The following TRIM62 variants were observed in gnomAD, a reference collection of about 807,000 sequenced individuals.
TRIM62 encodes the protein tripartite motif containing 62.
In TRIM62, 39 loss-of-function variants were observed where a neutral mutation model predicts 44.2. The ratio of observed to expected loss-of-function variants is 0.88; its 90% CI spans 0.68 to 1.15. TRIM62 has a LOEUF of 1.15. Among genes scored for constraint, TRIM62 ranks in the 50% most tolerant of loss-of-function variants. TRIM62 has a pLI of 0.00. For missense variants in TRIM62, 544 were observed against 665.5 expected, an observed-to-expected ratio of 0.82 and a Z score of 2.01; for synonymous variants, 278 against 292.3, an observed-to-expected ratio of 0.95 and a Z score of 0.50.
rs527792355 is a variant in TRIM62 at position 33,181,582 on chromosome 1, T to C, written c.-150A>G. The C allele has an allele frequency of 3.7e-6, 5 of 1,350,184 alleles. No individual in the cohort carries two copies. The African/African-American group carries it at 7.7e-5, about 21-fold the overall frequency. The allele number at this position is 1,350,184 out of a possible 1,614,324, so 83.6% of individuals were successfully genotyped here. A position where few individuals can be genotyped will look rare whatever the true frequency, so the allele number is the denominator to read the frequency against. On this transcript the variant is annotated 5_prime_UTR_variant, in exon 1 of 5. Coordinates refer to ENST00000291416, the MANE Select transcript of TRIM62 (RefSeq NM_018207.3). This position sits in a 1 kb window ranked among gnomAD's most constrained non-coding sequence, Gnocchi z 6.5. ...CTACCGGAGAAGGGAGGGGGTGCTG[T>C]CCGGAAGGAGGGTAACGCGAGGAAG... is the stretch of plus-strand genomic sequence containing the variant.
intron 1 of TRIM62, among the ~76,000 whole-genome samples, chr1:33,175,049 A>T (rs913654905): frequency 1.3e-5 from 2 of 150,816 alleles, no homozygotes; most frequent in African/African-American, 4.9e-5. Context: ...ATGTATATGT[A>T]TTTTTTTTAA....
rs898116486 is a variant in TRIM62 at position 33,181,831 on chromosome 1, G to C, written c.-399C>G. Among the ~76,000 whole-genome samples, 129 of 151,732 alleles carry C rather than the reference G, an allele frequency of 8.5e-4. No individual in the cohort carries two copies. Among genetic ancestry groups the C allele is most frequent in the Non-Finnish European group, 1.7e-3 (113 of 67,808 alleles). On this transcript the variant is annotated 5_prime_UTR_variant, in exon 1 of 5. Transcript: ENST00000291416. This position sits in a 1 kb window ranked among gnomAD's most constrained non-coding sequence, Gnocchi z 6.5. The stretch of plus-strand genomic sequence containing the variant: ...TAAGGGGGTCGAAATCCCGGGGTGG[G>C]GGCGGTGCGGGGAGGGCGAGAAGCT...
Position 33,181,576 on chromosome 1 carries a change from G to T in TRIM62, c.-144C>A. On this transcript the variant is annotated 5_prime_UTR_variant, in exon 1 of 5. Coordinates refer to ENST00000291416, the MANE Select transcript of TRIM62 (RefSeq NM_018207.3). The surrounding 1 kb of genome is among the most constrained non-coding windows in gnomAD (Gnocchi z 6.5). ...TAGGAGCTACCGGAGAAGGGAGGGG[G>T]TGCTGTCCGGAAGGAGGGTAACGCG... The T allele has an allele frequency of 1.5e-6, 2 of 1,373,588 alleles. No individual in the cohort carries two copies. Among genetic ancestry groups the T allele is most frequent in the South Asian group, 1.5e-5 (1 of 64,972 alleles). 85.1% of individuals were successfully genotyped at this position (1,373,588 alleles called of 1,614,324 possible).
chr1:33,149,041 G>A (rs1365091935), intron 4 of TRIM62, among the ~76,000 whole-genome samples: 3 of 152,154 alleles, frequency 2.0e-5, no homozygotes, highest in South Asian at 2.1e-4. Context: ...CTCTCTGCTT[G>A]TTGCAACCAC....
At chr1:33,173,317 C>T (rs930917233) in intron 1 of TRIM62, among the ~76,000 whole-genome samples, 2 of 152,178 alleles carry the variant, frequency 1.3e-5, no homozygotes, top group East Asian at 1.9e-4. Context: ...CAGACCTGGC[C>T]GGGCTGCACT....
chr1:33,157,247 C>G (rs559553360), intron 4 of TRIM62, among the ~76,000 whole-genome samples: 2 of 152,282 alleles, frequency 1.3e-5, no homozygotes, highest in East Asian at 1.9e-4. Context: ...CATCTCCCTC[C>G]AGCCACGTTA....
In TRIM62 at chr1:33,165,844, TCTGG is replaced by T; in HGVS notation, c.409-282_409-279del. ...ACAATCGACTTCCACATACACACTC[TCTGG>T]CTCCCCACACTTGGCCCTGGATCCC... On this transcript the variant is annotated intron_variant, in intron 1 of 4. Coordinates refer to ENST00000291416, the MANE Select transcript of TRIM62 (RefSeq NM_018207.3). This position sits in a 1 kb window ranked among gnomAD's most constrained non-coding sequence, Gnocchi z 4.0. 1 of 281,980 alleles carries T rather than the reference TCTGG, an allele frequency of 3.5e-6. No homozygotes were observed. Among genetic ancestry groups the T allele is most frequent in the South Asian group, 1.3e-4 (1 of 7,868 alleles). 17.5% of individuals were successfully genotyped at this position (281,980 alleles called of 1,614,324 possible).
intron 4 of TRIM62, among the ~76,000 whole-genome samples, chr1:33,149,994 C>T (rs1645074403): frequency 6.6e-6 from 1 of 152,332 alleles, no homozygotes; most frequent in East Asian, 1.9e-4. Context: ...GCTGCATCAC[C>T]TGGCTCTGGG....
At chr1:33,152,594 C>T (rs1645116811) in intron 4 of TRIM62, among the ~76,000 whole-genome samples, 1 of 148,938 alleles carries the variant, frequency 6.7e-6, no homozygotes. Context: ...AAAAAAAAGA[C>T]TGGGGACCAT....
intron 1 of TRIM62, among the ~76,000 whole-genome samples, chr1:33,179,992 G>T (rs1218159898): frequency 1.3e-5 from 2 of 149,996 alleles, no homozygotes; most frequent in African/African-American, 5.0e-5. Context: ...TAATGTTTTT[G>T]TTTGTTTGTT....
chr1:33,181,398 G>A lies in TRIM62; in HGVS notation c.35C>T (p.Ser12Phe), dbSNP rs746350249. The A allele has an allele frequency of 6.2e-6, 10 of 1,602,792 alleles. No homozygotes were observed. Among genetic ancestry groups the A allele is most frequent in the Non-Finnish European group, 8.5e-6 (10 of 1,177,288 alleles). ...GTCCTGGTAGATGCTCAGGCAGATG[G>A]AGCACAGCAGCTCGTCCTTGAGGCT... ...ACSLKDELLC[S>F]ICLSIYQDPV... is the part of the protein sequence containing the mutation. The change falls in exon 1 of 5, where the codon TCC (serine) becomes TTC (phenylalanine). Residue 12 changes from serine to phenylalanine, a missense_variant. Physicochemically the swap from Ser to Phe is radical, Grantham distance 155 (BLOSUM62 -2). Coordinates refer to ENST00000291416, the MANE Select transcript of TRIM62 (RefSeq NM_018207.3). The surrounding 1 kb of genome is among the most constrained non-coding windows in gnomAD (Gnocchi z 6.5).
rs1456609243 is a variant in TRIM62 at position 33,158,255 on chromosome 1, G to A, written c.875C>T (p.Pro292Leu). 6.2e-7 allele frequency: 1 copy of A among 1,613,598 alleles called. No individual in the cohort carries two copies. Among genetic ancestry groups the A allele is most frequent in the Non-Finnish European group, 8.5e-7 (1 of 1,179,574 alleles). The change falls in exon 4 of 5, where the codon CCA becomes CTA. Residue 292 changes from proline to leucine, a missense_variant and splice_region_variant. By Grantham distance (98) the Pro-to-Leu change is moderately conservative. Coordinates refer to ENST00000291416, the MANE Select transcript of TRIM62 (RefSeq NM_018207.3). ...GACCATGATAACCCATGCCTTACCT[G>A]GGTGGATGTCCTGGAACAGGGACTT... is the stretch of plus-strand genomic sequence containing the variant. ...IWKSLFQDIH[P>L]VPAALTLDPG...
At chr1:33,164,169 G>C (rs1645305881) in intron 2 of TRIM62, 1 of 152,224 alleles carries the variant, frequency 6.6e-6, no homozygotes, top group South Asian at 2.1e-4. Flanking sequence ...TGCCCCCGAG[G>C]GTCCTGCCCA....
At position 33,158,241 on chromosome 1, in the gene TRIM62, C is replaced by A. The variant is rs200060965; in HGVS notation, c.877+12G>T. The A allele has an allele frequency of 5.5e-5, 88 of 1,612,150 alleles. No homozygotes were observed. Among genetic ancestry groups the A allele is most frequent in the Middle Eastern group, 4.9e-4 (3 of 6,076 alleles). On this transcript the variant is annotated intron_variant, in intron 4 of 4. Transcript: ENST00000291416. ...CCCACCTAGCTCTGGACCATGATAA[C>A]CCATGCCTTACCTGGGTGGATGTCC...
chr1:33,175,206 A>ATT (rs541492582), intron 1 of TRIM62, among the ~76,000 whole-genome samples: 2 of 142,602 alleles, frequency 1.4e-5, no homozygotes, highest in Non-Finnish European at 3.1e-5. Context: ...TGCCCAGCTA[A>ATT]TTTTTTTTTT....
intron 1 of TRIM62, among the ~76,000 whole-genome samples, chr1:33,170,363 C>T (rs1028321509): frequency 8.6e-5 from 13 of 151,954 alleles, no homozygotes; most frequent in Non-Finnish European, 1.3e-4. Context: ...TACATTCCAG[C>T]CTGGGTGACA....
rs1645336623 is a variant in TRIM62 at position 33,167,211 on chromosome 1, C to T, written c.409-1645G>A. Among the ~76,000 whole-genome samples, 1 of 152,228 alleles carries T rather than the reference C, an allele frequency of 6.6e-6. No homozygotes were observed. The highest frequency in any genetic ancestry group is 1.5e-5 in the Non-Finnish European group (1 of 68,036). ...CGCCCCACGCACAGTGGCACCTCCT[C>T]ATACCCTGTCACACATCTGGATTCA... On this transcript the variant is annotated intron_variant, in intron 1 of 4. Coordinates refer to ENST00000291416, the MANE Select transcript of TRIM62 (RefSeq NM_018207.3). This position sits in a 1 kb window ranked among gnomAD's most constrained non-coding sequence, Gnocchi z 4.2.
Position 33,158,335 on chromosome 1 carries a change from T to C in TRIM62, c.795A>G (p.Thr265=). The C allele has an allele frequency of 6.2e-7, 1 of 1,613,894 alleles. No homozygotes were observed. Among genetic ancestry groups the C allele is most frequent in the African/African-American group, 1.3e-5 (1 of 75,056 alleles). The part of the protein sequence containing the change: ...LKGKIHETNL[T]YEDFPTSKYT... ...ACTTGGAGGTCGGGAAGTCTTCATA[T>C]GTGAGGTTGGTCTCATGGATTTTTC... is the stretch of plus-strand genomic sequence containing the variant. The change falls in exon 4 of 5, where the codon ACA becomes ACG. Residue 265 remains threonine, a synonymous_variant. Coordinates refer to ENST00000291416, the MANE Select transcript of TRIM62 (RefSeq NM_018207.3).
At position 33,147,067 on chromosome 1, in the gene TRIM62, C is replaced by T. The variant is rs1645029159; in HGVS notation, c.*110G>A. ...GGAGGCTGGAGGGTAAACAACTGGC[C>T]TGAGGTCTCCAGTGGCCACGGTGGG... On this transcript the variant is annotated 3_prime_UTR_variant, in exon 5 of 5. Transcript: ENST00000291416. The surrounding 1 kb of genome is among the most constrained non-coding windows in gnomAD (Gnocchi z 8.1). 8.1e-7 allele frequency: 1 copy of T among 1,229,352 alleles called. No homozygotes were observed. The highest frequency in any genetic ancestry group is 1.1e-6 in the Non-Finnish European group (1 of 873,226). 76.2% of individuals were successfully genotyped at this position (1,229,352 alleles called of 1,614,324 possible).
Sources: allele counts gnomAD v4.1 joint callset (sites outside exome capture counted in the v4.1 genomes callset), GRCh38; gene constraint gnomAD v4.1.1; non-coding constraint Gnocchi (gnomAD v3.1); transcripts MANE v1.5; gene names NCBI Gene and HGNC (gene_info 2026-07-23, HGNC 2026-07-21).